Variants in FHIT observed in about 807,000 individuals in gnomAD.
FHIT encodes the protein fragile histidine triad diadenosine triphosphatase, also known as bis(5'-adenosyl)-triphosphatase.
A neutral mutation model predicts 17.9 loss-of-function variants in FHIT; 19 were observed. The observed-to-expected ratio is 1.06, with a 90% CI of 0.74 to 1.56. FHIT has a LOEUF of 1.56. Among genes scored for constraint, FHIT ranks in the 40% most tolerant of loss-of-function variants. FHIT has a pLI of 0.00. For synonymous variants in FHIT, 81 were observed against 69.7 expected (o/e 1.16, Z -0.81); for missense variants, 248 against 189.2 (o/e 1.31, Z -1.82).
chr3:60,367,135 C>T (rs141657460), intron 5 of FHIT, among the ~76,000 whole-genome samples: 130 of 152,306 alleles, frequency 8.5e-4, no homozygotes, highest in Middle Eastern at 6.8e-3. Flanking sequence ...ATACTAAATA[C>T]TCATAGATAA....
chr3:60,884,908 C>T (rs1167686593), intron 3 of FHIT, among the ~76,000 whole-genome samples: 4 of 87,826 alleles, frequency 4.6e-5, no homozygotes, highest in African/African-American at 1.6e-4. Context: ...GAGACCCTTT[C>T]TCAAAAAAAA....
At chr3:60,368,337 T>A (rs551051935) in intron 5 of FHIT, among the ~76,000 whole-genome samples, 2 of 152,052 alleles carry the variant, frequency 1.3e-5, no homozygotes, top group South Asian at 4.1e-4. Context: ...TTCAAGTGGA[T>A]CTACAGTGGT....
intron 4 of FHIT, among the ~76,000 whole-genome samples, chr3:60,624,245 G>T (rs542078861): frequency 2.0e-5 from 3 of 152,208 alleles, no homozygotes; most frequent in African/African-American, 7.2e-5. Flanking sequence ...GCAAGGAGTG[G>T]TAAGAGACAG....
chr3:59,810,053 C>T (rs775855787), intron 8 of FHIT, among the ~76,000 whole-genome samples: 5 of 152,122 alleles, frequency 3.3e-5, no homozygotes, highest in Non-Finnish European at 7.4e-5. Flanking sequence ...TCAGAGTTTA[C>T]AAGTCACAGC....
At chr3:60,249,933 A>G (rs1377582986) in intron 5 of FHIT, among the ~76,000 whole-genome samples, 1 of 151,594 alleles carries the variant, frequency 6.6e-6, no homozygotes, top group Non-Finnish European at 1.5e-5. Flanking sequence ...GTACAGAGAA[A>G]CTCCTGTTTA....
At chr3:60,183,425 C>A (rs1297680650) in intron 5 of FHIT, among the ~76,000 whole-genome samples, 5 of 151,788 alleles carry the variant, frequency 3.3e-5, no homozygotes, top group Non-Finnish European at 7.4e-5. Flanking sequence ...AACAAACAAA[C>A]AAAAAAATAA....
chr3:61,224,057 G>T (rs565491179), intron 1 of FHIT, among the ~76,000 whole-genome samples: 48 of 152,224 alleles, frequency 3.2e-4, no homozygotes, highest in African/African-American at 9.1e-4. Flanking sequence ...CCCCAAAAAC[G>T]TGGATGTCAA....
intron 4 of FHIT, among the ~76,000 whole-genome samples, chr3:60,551,909 A>G (rs1414948234): frequency 6.6e-6 from 1 of 151,920 alleles, no homozygotes; most frequent in Non-Finnish European, 1.5e-5. Flanking sequence ...TGTGTGCAAA[A>G]TTGTACAATT....
At chr3:60,029,288 T>C (rs1398285314) in intron 5 of FHIT, among the ~76,000 whole-genome samples, 4 of 152,226 alleles carry the variant, frequency 2.6e-5, no homozygotes, top group African/African-American at 4.8e-5. Context: ...GTCATTTTTA[T>C]AGTCCCACAC....
intron 8 of FHIT, among the ~76,000 whole-genome samples, chr3:59,793,755 A>C (rs1260727448): frequency 1.3e-5 from 2 of 152,164 alleles, no homozygotes; most frequent in African/African-American, 4.8e-5. Context: ...GGCTTGCCTC[A>C]TTGCCTCATT....
chr3:60,939,900 A>C (rs1383815992), intron 3 of FHIT, among the ~76,000 whole-genome samples: 1 of 152,150 alleles, frequency 6.6e-6, no homozygotes, highest in Non-Finnish European at 1.5e-5. Context: ...TAAGAATTTT[A>C]GACTGGTTTC....
intron 4 of FHIT, among the ~76,000 whole-genome samples, chr3:60,560,048 C>G (rs777921328): frequency 4.0e-5 from 6 of 151,764 alleles, no homozygotes; most frequent in Non-Finnish European, 8.8e-5. Context: ...TAGCTAATAC[C>G]AAAATTAAAC....
chr3:60,029,895 G>GTGTGTGTGTGTGTC (rs1301337296), intron 5 of FHIT, among the ~76,000 whole-genome samples: 1 of 111,194 alleles, frequency 9.0e-6, no homozygotes, highest in African/African-American at 3.3e-5. Flanking sequence ...GTGTGTGTGT[G>GTGTGTGTGTGTGTC]TCTGTGTGTG....
intron 5 of FHIT, among the ~76,000 whole-genome samples, chr3:60,275,555 T>C (rs1287341087): frequency 2.6e-5 from 4 of 152,146 alleles, no homozygotes; most frequent in South Asian, 2.1e-4. Context: ...TTGTGGAAAC[T>C]TGACAGTAGG....
chr3:60,130,067 T>G (rs1252992143), intron 5 of FHIT, among the ~76,000 whole-genome samples: 1 of 152,132 alleles, frequency 6.6e-6, no homozygotes, highest in African/African-American at 2.4e-5. Flanking sequence ...GCCATTCCTC[T>G]TCTACCTTTG....
At chr3:60,525,386 T>G (rs2035533731) in intron 5 of FHIT, among the ~76,000 whole-genome samples, 1 of 152,210 alleles carries the variant, frequency 6.6e-6, no homozygotes, top group Admixed American at 6.5e-5. Flanking sequence ...CACAAGATTC[T>G]GACTCTAAGA....
Position 59,804,265 on chromosome 3 carries a change from G to A in FHIT, c.349-51944C>T, listed in dbSNP as rs529435697. Among the ~76,000 whole-genome samples the A allele has an allele frequency of 3.4e-3, 516 of 152,306 alleles. 3 individuals are homozygous for A. The highest frequency in any genetic ancestry group is 4.0e-3 in the Non-Finnish European group (269 of 68,026). On this transcript the variant is annotated intron_variant, in intron 8 of 9. Coordinates refer to ENST00000492590, the MANE Select transcript of FHIT (RefSeq NM_002012.4). ...CTTAAATCCAGGAAGAGACTGCCAG[G>A]CGTCGGTCAAGTTTGAAGATATTTA... is the stretch of plus-strand genomic sequence containing the variant.
rs114152323 is a variant in FHIT, at chr3:60,056,872, A to G, written c.104-42720T>C. Among the ~76,000 whole-genome samples the G allele has an allele frequency of 5.3e-3, 812 of 152,296 alleles. 4 individuals carry two copies. Among genetic ancestry groups the G allele is most frequent in the African/African-American group, 0.019 (789 of 41,564 alleles). ...TGTTTTCCTTCCTTTCATGACATCA[A>G]TCAGATCCCCAAAGCCAGCTACCTT... On this transcript the variant is annotated intron_variant, in intron 5 of 9. Coordinates refer to ENST00000492590, the MANE Select transcript of FHIT (RefSeq NM_002012.4).
At chr3:60,229,556 A>C (rs1474035552) in intron 5 of FHIT, among the ~76,000 whole-genome samples, 1 of 152,208 alleles carries the variant, frequency 6.6e-6, no homozygotes, top group African/African-American at 2.4e-5. Flanking sequence ...TAAAAGTATA[A>C]AAGTAGATAT....
Sources: allele counts gnomAD v4.1 joint callset (sites outside exome capture counted in the v4.1 genomes callset), GRCh38; gene constraint gnomAD v4.1.1; transcripts MANE v1.5; gene names NCBI Gene and HGNC (gene_info 2026-07-23, HGNC 2026-07-21).